Variants in TMEM165 observed in about 807,000 individuals in gnomAD.
TMEM165 encodes transmembrane protein 165, also known as putative divalent cation/proton antiporter TMEM165.
Under a neutral mutation model 30.0 loss-of-function variants are expected in TMEM165, and 19 were observed. The observed-to-expected ratio is 0.63, with a 90% CI of 0.44 to 0.93. The LOEUF (loss-of-function observed/expected upper bound fraction) is 0.93, where lower values mean the gene tolerates loss of function less well. TMEM165 is among the 40% of genes least tolerant of loss of function. The probability of loss-of-function intolerance (pLI) is 0.00; values close to 1 mark genes in which losing one functional copy is unlikely to be tolerated. For synonymous variants in TMEM165, 168 were observed against 162.9 expected (o/e 1.03, Z -0.24); for missense variants, 340 against 417.0 (o/e 0.82, Z 1.61).
At chr4:55,419,136 T>C (rs1721862953) in intron 4 of TMEM165, among the ~76,000 whole-genome samples, 1 of 152,136 alleles carries the variant, frequency 6.6e-6, no homozygotes, top group Non-Finnish European at 1.5e-5. Flanking sequence ...TATCGTTGCG[T>C]ACTGCTATTA....
intron 2 of TMEM165, among the ~76,000 whole-genome samples, chr4:55,413,913 C>A (rs993422156): frequency 6.6e-6 from 1 of 152,060 alleles, no homozygotes; most frequent in Non-Finnish European, 1.5e-5. Flanking sequence ...TGTATTGATA[C>A]AGTACTTGAA....
intron 4 of TMEM165, among the ~76,000 whole-genome samples, chr4:55,421,472 A>AT (rs1721973474): frequency 6.6e-6 from 1 of 151,368 alleles, no homozygotes; most frequent in African/African-American, 2.4e-5. Context: ...CTAATTTTGT[A>AT]TTTTTTGTAG....
chr4:55,420,595 A>G (rs1721934933), intron 4 of TMEM165, among the ~76,000 whole-genome samples: 1 of 152,082 alleles, frequency 6.6e-6, no homozygotes, highest in African/African-American at 2.4e-5. Flanking sequence ...CTTCCATACT[A>G]ACTGCCCTGC....
chr4:55,402,794 G>GTTTTTTTTTTTTT (rs1491276185), intron 1 of TMEM165, among the ~76,000 whole-genome samples: 16 of 52,532 alleles, frequency 3.0e-4, no homozygotes, highest in South Asian at 1.1e-3. Flanking sequence ...TTTAAAAAAA[G>GTTTTTTTTTTTTT]CTTTTTTTTT....
intron 3 of TMEM165, among the ~76,000 whole-genome samples, chr4:55,441,237 A>G (rs899176622): frequency 6.6e-6 from 1 of 152,196 alleles, no homozygotes; most frequent in Admixed American, 6.5e-5. Flanking sequence ...TTACCCAGCC[A>G]GACTGGCCAT....
chr4:55,401,821 A>G (rs1181754845), intron 1 of TMEM165, among the ~76,000 whole-genome samples: 2 of 150,214 alleles, frequency 1.3e-5, no homozygotes, highest in Admixed American at 6.6e-5. Flanking sequence ...TTCATTAAAA[A>G]TAAAATCAAT....
intron 1 of TMEM165, among the ~76,000 whole-genome samples, chr4:55,410,672 GGTTT>G (rs1402312802): frequency 6.6e-6 from 1 of 152,152 alleles, no homozygotes; most frequent in African/African-American, 2.4e-5. Flanking sequence ...ACCCTGCTGA[GGTTT>G]GTGGGTCTTA....
chr4:55,410,262 A>G (rs750653492), intron 1 of TMEM165, among the ~76,000 whole-genome samples: 28 of 152,208 alleles, frequency 1.8e-4, no homozygotes, highest in Non-Finnish European at 3.2e-4. Context: ...AGAACTGTAT[A>G]TAGAACTTTG....
chr4:55,401,843 G>A (rs1288879600), intron 1 of TMEM165, among the ~76,000 whole-genome samples: 1 of 150,110 alleles, frequency 6.7e-6, no homozygotes, highest in African/African-American at 2.5e-5. Flanking sequence ...AAGGCCGGGC[G>A]CAGTGGCTCA....
chr4:55,396,444 C>G (rs886710190), intron 1 of TMEM165, 48 bp downstream of exon 1: 18 of 1,362,072 alleles, frequency 1.3e-5, no homozygotes, highest in Admixed American at 3.8e-5. Context: ...CCGGCTGCGC[C>G]GAGTACCAGG....
chr4:55,450,949 C>T (rs180807130), intron 3 of TMEM165, among the ~76,000 whole-genome samples: 4 of 152,056 alleles, frequency 2.6e-5, no homozygotes, highest in African/African-American at 9.6e-5. Flanking sequence ...TAGTTTCATA[C>T]AGCGACACTA....
chr4:55,444,891 A>G, intron 3 of TMEM165: 1 of 1,082,566 alleles, frequency 9.2e-7, no homozygotes. Flanking sequence ...AAGGATGATA[A>G]CATCCTTCAC....
At chr4:55,453,234 G>A in exon 4 of TMEM165, 1 of 942,374 alleles carries the variant, frequency 1.1e-6, no homozygotes, top group East Asian at 2.5e-5. Context: ...TGTTCATCTA[G>A]ACTATTTGCT....
intron 1 of TMEM165, chr4:55,397,240 A>C (rs1004565210): frequency 1.3e-5 from 2 of 152,062 alleles, no homozygotes; most frequent in African/African-American, 2.4e-5. Flanking sequence ...CTTCCCGAAC[A>C]TTGAATTCTG....
downstream of TMEM165, among the ~76,000 whole-genome samples, chr4:55,426,972 GAC>G (rs907784373): frequency 1.3e-5 from 2 of 152,060 alleles, no homozygotes; most frequent in African/African-American, 4.8e-5. Flanking sequence ...TCTGTGGTTA[GAC>G]AGTCTATATT....
At chr4:55,413,453 T>G (rs1337458405) in intron 2 of TMEM165, among the ~76,000 whole-genome samples, 1 of 152,212 alleles carries the variant, frequency 6.6e-6, no homozygotes, top group African/African-American at 2.4e-5. Context: ...TAGCTGAGAC[T>G]ACAGGCACAT....
intron 1 of TMEM165, chr4:55,399,030 G>C (rs1173387281): frequency 6.6e-6 from 1 of 151,972 alleles, no homozygotes; most frequent in Non-Finnish European, 1.5e-5. Flanking sequence ...ATTGGTGTTG[G>C]TTTAGACAGT....
At chr4:55,439,338 C>G (rs1723156862) in intron 3 of TMEM165, among the ~76,000 whole-genome samples, 1 of 152,118 alleles carries the variant, frequency 6.6e-6, no homozygotes, top group East Asian at 1.9e-4. Context: ...ATCAGGATGG[C>G]TATTATAAAA....
At chr4:55,396,495 T>G (rs1720735038) in intron 1 of TMEM165, 99 bp downstream of exon 1, 1 of 1,086,688 alleles carries the variant, frequency 9.2e-7, no homozygotes, top group Non-Finnish European at 1.2e-6. Context: ...CGGCCTCGGC[T>G]GGGGGAGGGG....
Sources: allele counts gnomAD v4.1 joint callset (sites outside exome capture counted in the v4.1 genomes callset), GRCh38; gene constraint gnomAD v4.1.1; transcripts MANE v1.5; gene names NCBI Gene and HGNC (gene_info 2026-07-23, HGNC 2026-07-21).